FAM227B: variants seen among roughly 807,000 people sequenced by gnomAD.
FAM227B encodes protein FAM227B.
A neutral mutation model predicts 73.8 loss-of-function variants in FAM227B; 88 were observed. The observed-to-expected ratio is 1.19, with a 90% CI of 1.00 to 1.42. The LOEUF is 1.42. Ranked by LOEUF, FAM227B falls within the 40% of genes most tolerant of loss-of-function variation. The pLI, the probability that FAM227B is intolerant of heterozygous loss-of-function variation, is 0.00. For missense variants in FAM227B, 632 were observed against 590.9 expected, an observed-to-expected ratio of 1.07 and a Z score of -0.72; for synonymous variants, 210 against 190.5, an observed-to-expected ratio of 1.10 and a Z score of -0.84.
chr15:49,510,523 G>A (rs1041318144), intron 10 of FAM227B, among the ~76,000 whole-genome samples: 1 of 152,086 alleles, frequency 6.6e-6, no homozygotes, highest in African/African-American at 2.4e-5. Context: ...CATTAGAGAT[G>A]CTTTCAGTTT....
At chr15:49,493,504 T>C (rs916572587) in intron 11 of FAM227B, among the ~76,000 whole-genome samples, 2 of 152,008 alleles carry the variant, frequency 1.3e-5, no homozygotes, top group African/African-American at 2.4e-5. Flanking sequence ...TATCAATCCA[T>C]ACCCTGCTCT....
intron 13 of FAM227B, chr15:49,365,904 C>T: frequency 2.1e-6 from 2 of 969,916 alleles, no homozygotes; most frequent in East Asian, 2.4e-5. Flanking sequence ...GAGAGTTGTA[C>T]AGACTCATTG....
chr15:49,521,188 A>AG (rs1036056241), intron 10 of FAM227B, among the ~76,000 whole-genome samples: 29 of 152,286 alleles, frequency 1.9e-4, no homozygotes, highest in African/African-American at 7.0e-4. Context: ...TTGCATCACC[A>AG]GATCATCTGG....
chr15:49,362,217 G>A (rs2044362810), intron 13 of FAM227B, among the ~76,000 whole-genome samples: 1 of 152,074 alleles, frequency 6.6e-6, no homozygotes, highest in Admixed American at 6.6e-5. Context: ...GAGGTGATTG[G>A]ATCATGGGAG....
At chr15:49,544,269 T>C (rs2071500695) in intron 9 of FAM227B, among the ~76,000 whole-genome samples, 1 of 152,104 alleles carries the variant, frequency 6.6e-6, no homozygotes, top group Non-Finnish European at 1.5e-5. Flanking sequence ...TTTGCAGCTG[T>C]TGTAAAACGG....
intron 10 of FAM227B, among the ~76,000 whole-genome samples, chr15:49,522,579 A>C (rs181422309): frequency 3.3e-5 from 5 of 152,290 alleles, no homozygotes; most frequent in Non-Finnish European, 7.4e-5. Flanking sequence ...AAATCGATAT[A>C]TTTTAAGGAA....
chr15:49,511,954 T>C (rs1004797910), intron 10 of FAM227B, among the ~76,000 whole-genome samples: 1 of 152,124 alleles, frequency 6.6e-6, no homozygotes, highest in Non-Finnish European at 1.5e-5. Flanking sequence ...TTATATTTCT[T>C]TGGGTACGTA....
intron 11 of FAM227B, among the ~76,000 whole-genome samples, chr15:49,492,542 TG>T (rs2057211672): frequency 6.6e-6 from 1 of 151,920 alleles, no homozygotes; most frequent in African/African-American, 2.4e-5. Context: ...GCTATTCATC[TG>T]TCCAACTTTT....
chr15:49,524,922 G>A (rs1312416761), intron 10 of FAM227B, among the ~76,000 whole-genome samples: 4 of 152,150 alleles, frequency 2.6e-5, no homozygotes, highest in East Asian at 1.9e-4. Flanking sequence ...TTTACCCAAC[G>A]CCTGTACTCT....
At chr15:49,472,671 A>T (rs2054884295) in intron 11 of FAM227B, among the ~76,000 whole-genome samples, 1 of 152,222 alleles carries the variant, frequency 6.6e-6, no homozygotes, top group South Asian at 2.1e-4. Flanking sequence ...AATGAATGAC[A>T]TTATACTGTC....
chr15:49,371,728 A>G (rs2045824644), intron 11 of FAM227B, among the ~76,000 whole-genome samples: 1 of 150,352 alleles, frequency 6.7e-6, no homozygotes. Context: ...TCACTTATAA[A>G]TAAATAATGA....
intron 11 of FAM227B, among the ~76,000 whole-genome samples, chr15:49,462,162 A>C (rs2053856699): frequency 6.6e-6 from 1 of 152,166 alleles, no homozygotes; most frequent in Non-Finnish European, 1.5e-5. Flanking sequence ...GCATGGTGAA[A>C]GGAGAAATGT....
intron 13 of FAM227B, chr15:49,353,935 C>T (rs980983776): frequency 6.6e-6 from 1 of 151,976 alleles, no homozygotes; most frequent in Non-Finnish European, 1.5e-5. Flanking sequence ...AGTTGTTATT[C>T]ACATATTGGT....
intron 3 of FAM227B, 73 bp from the exon 4 acceptor site, chr15:49,590,080 A>G (rs2076433781): frequency 2.6e-6 from 2 of 780,438 alleles, no homozygotes; most frequent in Non-Finnish European, 4.4e-6. Flanking sequence ...GTTCAAAACC[A>G]ATGAGCTATA....
intron 11 of FAM227B, among the ~76,000 whole-genome samples, chr15:49,451,798 A>G (rs1435958264): frequency 1.3e-5 from 2 of 152,198 alleles, no homozygotes; most frequent in Non-Finnish European, 2.9e-5. Flanking sequence ...AGTAATACTT[A>G]TATAGCAATC....
At chr15:49,605,145 G>A (rs1236665649) in intron 3 of FAM227B, among the ~76,000 whole-genome samples, 2 of 152,084 alleles carry the variant, frequency 1.3e-5, no homozygotes, top group African/African-American at 4.8e-5. Flanking sequence ...CCTCTTCTGG[G>A]GGCTGGCTTC....
At chr15:49,549,483 A>T (rs7182948) in intron 9 of FAM227B, among the ~76,000 whole-genome samples, 8 of 151,790 alleles carry the variant, frequency 5.3e-5, no homozygotes, top group Non-Finnish European at 1.5e-5. Context: ...CTGGCCTTCC[A>T]CAGTGTTTGT....
At chr15:49,441,883 C>A (rs1464381884) in intron 11 of FAM227B, among the ~76,000 whole-genome samples, 1 of 150,970 alleles carries the variant, frequency 6.6e-6, no homozygotes, top group East Asian at 2.0e-4. Context: ...AGGGAGCAAC[C>A]TTCTCATTGT....
At chr15:49,416,131 C>A (rs954074238) in intron 11 of FAM227B, among the ~76,000 whole-genome samples, 32 of 145,930 alleles carry the variant, frequency 2.2e-4, no homozygotes, top group Admixed American at 1.5e-3. Flanking sequence ...TGGAACACAC[C>A]AAGATCCACC....
Sources: allele counts gnomAD v4.1 joint callset (sites outside exome capture counted in the v4.1 genomes callset), GRCh38; gene constraint gnomAD v4.1.1; transcripts MANE v1.5; gene names NCBI Gene and HGNC (gene_info 2026-07-23, HGNC 2026-07-21).